The following DET1 variants were observed in gnomAD, a reference collection of about 807,000 sequenced individuals.
The protein encoded by DET1 is DET1 partner of COP1 E3 ubiquitin ligase, also known as DET1 homolog.
DET1 carries 22 observed loss-of-function variants against 43.7 expected under a neutral mutation model. The ratio of observed to expected loss-of-function variants is 0.50; its 90% confidence interval spans 0.36 to 0.72. DET1 has a LOEUF of 0.72. Among genes scored for constraint, DET1 ranks in the 30% least tolerant of loss-of-function variants. The probability of loss-of-function intolerance (pLI) is 0.00; values close to 1 mark genes in which losing one functional copy is unlikely to be tolerated. For missense variants in DET1, 713 were observed against 713.3 expected (o/e 1.00, Z 0.00); for synonymous variants, 315 against 266.2 (o/e 1.18, Z -1.79).
chr15:88,507,076 C>G (rs185548866), intron 7 of DET1, among the ~76,000 whole-genome samples: 11 of 152,282 alleles, frequency 7.2e-5, no homozygotes. Context: ...TTAATATAAG[C>G]CAAAGTACTC....
At chr15:88,538,364 C>G (rs963007199) in intron 1 of DET1, among the ~76,000 whole-genome samples, 1 of 151,316 alleles carries the variant, frequency 6.6e-6, no homozygotes, top group African/African-American at 2.4e-5. Flanking sequence ...CAAAGCCCCA[C>G]GTCTATCACC....
At chr15:88,534,097 G>A (rs1439673414) in intron 1 of DET1, among the ~76,000 whole-genome samples, 6 of 151,956 alleles carry the variant, frequency 3.9e-5, no homozygotes, top group Non-Finnish European at 8.8e-5. Flanking sequence ...AGTTAAGACG[G>A]TAAATGTTAG....
chr15:88,522,710 G>A (rs1598325869), intron 3 of DET1, among the ~76,000 whole-genome samples: 1 of 151,122 alleles, frequency 6.6e-6, no homozygotes, highest in East Asian at 1.9e-4. Flanking sequence ...AGAAGAGACG[G>A]GGTTTCACCA....
In DET1 at chr15:88,531,997, T is replaced by A; in HGVS notation, c.-10-282A>T. 1 of 379,908 alleles carries A rather than the reference T, an allele frequency of 2.6e-6. No homozygotes were observed. The highest frequency in any genetic ancestry group is 4.8e-6 in the Non-Finnish European group (1 of 209,894). 23.5% of individuals were successfully genotyped at this position (379,908 alleles called of 1,614,324 possible). A position where few individuals can be genotyped will look rare whatever the true frequency, so the allele number is the denominator to read the frequency against. On this transcript the variant is annotated intron_variant, in intron 1 of 4. Transcript: ENST00000268148. The surrounding 1 kb of genome is among the most constrained non-coding windows in gnomAD (Gnocchi z 6.2). Reference sequence around the variant, plus strand: ...ACAGAAAAAAACCTACAACTACAAATTTGAACAGTATAAGACACATTCGGC... The same window carrying A: ...ACAGAAAAAAACCTACAACTACAAAATTGAACAGTATAAGACACATTCGGC...
chr15:88,515,538 TA>T (rs1222573090), intron 4 of DET1, among the ~76,000 whole-genome samples: 13 of 47,464 alleles, frequency 2.7e-4, no homozygotes, highest in African/African-American at 1.3e-3. Context: ...GACTCCGTCT[TA>T]TAAAAAAAAA....
downstream of DET1, among the ~76,000 whole-genome samples, chr15:88,508,003 C>G (rs1372398190): frequency 6.6e-6 from 1 of 151,694 alleles, no homozygotes; most frequent in East Asian, 2.0e-4. Flanking sequence ...ATTAGATTCT[C>G]ATAAGAGCGC....
At chr15:88,503,599 AC>A (rs1185293844) in intron 8 of DET1, 2 of 152,230 alleles carry the variant, frequency 1.3e-5, no homozygotes, top group Non-Finnish European at 2.9e-5. Flanking sequence ...AAATAGGAAT[AC>A]TGCATTTTTC....
chr15:88,543,801 T>C (rs1366981940), intron 1 of DET1, among the ~76,000 whole-genome samples: 2 of 152,182 alleles, frequency 1.3e-5, no homozygotes, highest in Non-Finnish European at 2.9e-5. Flanking sequence ...ACCAGAAGCG[T>C]GGGCTACTCA....
chr15:88,536,681 GA>G (rs1379268916), intron 1 of DET1, among the ~76,000 whole-genome samples: 1 of 144,914 alleles, frequency 6.9e-6, no homozygotes, highest in Non-Finnish European at 1.5e-5. Context: ...TGAGGCAGGA[GA>G]ACTGCTTGAA....
chr15:88,510,978 T>C (rs959116025), downstream of DET1, among the ~76,000 whole-genome samples: 4 of 152,056 alleles, frequency 2.6e-5, no homozygotes, highest in African/African-American at 9.7e-5. Flanking sequence ...TTCACCGTGT[T>C]AGCCAGGAAG....
intron 4 of DET1, among the ~76,000 whole-genome samples, chr15:88,513,985 G>T (rs2056273747): frequency 6.7e-6 from 1 of 149,818 alleles, no homozygotes; most frequent in Non-Finnish European, 1.5e-5. Flanking sequence ...ATTTTTAGTA[G>T]AGACGGGGTT....
chr15:88,513,712 G>C (rs2056261069), intron 4 of DET1, among the ~76,000 whole-genome samples: 1 of 139,834 alleles, frequency 7.2e-6, no homozygotes, highest in Non-Finnish European at 1.5e-5. Flanking sequence ...GTACCCAATT[G>C]CCACATGTGG....
chr15:88,510,113 T>A (rs2056181726), downstream of DET1, among the ~76,000 whole-genome samples: 1 of 152,200 alleles, frequency 6.6e-6, no homozygotes, highest in Non-Finnish European at 1.5e-5. Flanking sequence ...CAGTGGGGTC[T>A]AAGATCCTCT....
chr15:88,533,905 A>G (rs1305227040), intron 1 of DET1, among the ~76,000 whole-genome samples: 2 of 150,984 alleles, frequency 1.3e-5, no homozygotes, highest in African/African-American at 4.9e-5. Context: ...CATTAAAAAA[A>G]GAAAAAGGAA....
At chr15:88,528,373 C>G (rs2142301034) in intron 2 of DET1, among the ~76,000 whole-genome samples, 2 of 152,334 alleles carry the variant, frequency 1.3e-5, no homozygotes, top group Middle Eastern at 6.8e-3. Context: ...GAGTTCTAAA[C>G]TGCCCTGGCA....
intron 1 of DET1, among the ~76,000 whole-genome samples, chr15:88,544,542 G>A (rs766410522): frequency 3.3e-4 from 50 of 152,244 alleles, no homozygotes; most frequent in Non-Finnish European, 5.0e-4. Context: ...CTAACCAGAC[G>A]GGGTCCTGCC....
chr15:88,528,441 CT>C lies in DET1; in HGVS notation c.1084-656del, dbSNP rs547841701. 4.9e-3 allele frequency among the ~76,000 whole-genome samples: 749 copies of C among 152,338 alleles called. 6 individuals are homozygous for C. Among genetic ancestry groups the C allele is most frequent in the Admixed American group, 9.1e-3 (139 of 15,310 alleles). ...TGAAAAATCAGATAGGCGTTTTCCACTTTTTTCCTCATAAATGTTCTTTCAG... is the reference window on the plus strand; with the variant it reads ...TGAAAAATCAGATAGGCGTTTTCCACTTTTTCCTCATAAATGTTCTTTCAG... On this transcript the variant is annotated intron_variant, in intron 2 of 4. Transcript: ENST00000268148.
intron 1 of DET1, among the ~76,000 whole-genome samples, chr15:88,540,604 G>T (rs1321785801): frequency 6.6e-6 from 1 of 151,858 alleles, no homozygotes; most frequent in Non-Finnish European, 1.5e-5. Flanking sequence ...GTAGAAAGAA[G>T]TAGACATAGG....
intron 1 of DET1, among the ~76,000 whole-genome samples, chr15:88,542,229 C>T (rs553770548): frequency 6.6e-5 from 10 of 152,198 alleles, no homozygotes; most frequent in South Asian, 2.1e-4. Context: ...TTGCATTAAC[C>T]GGTAGGCCTG....
Sources: allele counts gnomAD v4.1 joint callset (sites outside exome capture counted in the v4.1 genomes callset), GRCh38; gene constraint gnomAD v4.1.1; non-coding constraint Gnocchi (gnomAD v3.1); transcripts MANE v1.5; gene names NCBI Gene and HGNC (gene_info 2026-07-23, HGNC 2026-07-21).